The following MACROD2 variants were observed in gnomAD, a reference collection of about 807,000 sequenced individuals.
MACROD2 encodes the protein ADP-ribose glycohydrolase MACROD2.
In MACROD2, 36 loss-of-function variants were observed where a neutral mutation model predicts 70.4. The ratio of observed to expected loss-of-function variants is 0.51; its 90% CI spans 0.39 to 0.68. The LOEUF (loss-of-function observed/expected upper bound fraction) is 0.68. Among genes scored for constraint, MACROD2 ranks in the 30% least tolerant of loss-of-function variants. The pLI is 0.00. For synonymous variants in MACROD2, 172 were observed against 178.8 expected (o/e 0.96, Z 0.30); for missense variants, 496 against 538.4 (o/e 0.92, Z 0.78).
At chr20:15,175,779 T>A (rs577475777) in intron 5 of MACROD2, among the ~76,000 whole-genome samples, 15 of 152,328 alleles carry the variant, frequency 9.8e-5, no homozygotes, top group Non-Finnish European at 7.4e-5. Flanking sequence ...AGACACTGGC[T>A]GCAATGGCTA....
chr20:15,164,649 A>G (rs964467585), intron 5 of MACROD2, among the ~76,000 whole-genome samples: 5 of 152,206 alleles, frequency 3.3e-5, no homozygotes, highest in African/African-American at 1.2e-4. Context: ...TAATGCTGGT[A>G]CTTTGGAAGG....
intron 8 of MACROD2, among the ~76,000 whole-genome samples, chr20:15,827,124 C>A (rs1442618207): frequency 6.6e-6 from 1 of 152,128 alleles, no homozygotes; most frequent in Non-Finnish European, 1.5e-5. Context: ...ACAGATATAA[C>A]CTTCATTCCA....
intron 5 of MACROD2, among the ~76,000 whole-genome samples, chr20:15,001,650 G>C (rs1400544804): frequency 6.6e-6 from 1 of 151,804 alleles, no homozygotes; most frequent in Admixed American, 6.6e-5. Flanking sequence ...TTTTCTAGGG[G>C]GATTTATGTT....
At chr20:14,489,582 A>G (rs1458960348) in intron 3 of MACROD2, among the ~76,000 whole-genome samples, 4 of 152,294 alleles carry the variant, frequency 2.6e-5, no homozygotes, top group Middle Eastern at 3.4e-3. Flanking sequence ...TTGATATCCC[A>G]TGTGCTCTAT....
At chr20:15,668,239 G>A (rs557053266) in intron 8 of MACROD2, among the ~76,000 whole-genome samples, 182 of 151,624 alleles carry the variant, frequency 1.2e-3, no homozygotes, top group South Asian at 2.9e-3. Flanking sequence ...CAGCATGGGC[G>A]ACAGAGCGAG....
intron 3 of MACROD2, among the ~76,000 whole-genome samples, chr20:14,297,584 T>C (rs1016829287): frequency 2.6e-5 from 4 of 151,962 alleles, no homozygotes; most frequent in Non-Finnish European, 1.5e-5. Context: ...TCTTCAGTTC[T>C]AGAAAGGCAG....
At chr20:15,993,188 G>A (rs942239942) in intron 15 of MACROD2, among the ~76,000 whole-genome samples, 5 of 151,796 alleles carry the variant, frequency 3.3e-5, no homozygotes, top group African/African-American at 1.2e-4. Flanking sequence ...TAACTAGTAA[G>A]GGAATCATTA....
chr20:16,003,693 CAG>C (rs1328440345), intron 15 of MACROD2, among the ~76,000 whole-genome samples: 1 of 152,106 alleles, frequency 6.6e-6, no homozygotes, highest in Non-Finnish European at 1.5e-5. Flanking sequence ...CTTTTAGAGA[CAG>C]AGTCTCACTC....
At chr20:15,461,003 TATA>T (rs200906050) in intron 7 of MACROD2, among the ~76,000 whole-genome samples, 13,107 of 78,148 alleles carry the variant, frequency 0.17, 1,557 homozygotes, top group East Asian at 0.39. Context: ...TATATATATA[TATA>T]TTTTTTTTTA....
intron 5 of MACROD2, among the ~76,000 whole-genome samples, chr20:15,187,100 G>T (rs1440942702): frequency 6.6e-6 from 1 of 152,196 alleles, no homozygotes; most frequent in Non-Finnish European, 1.5e-5. Context: ...ATTGATGGTT[G>T]AGAGCCACTG....
chr20:16,027,842 C>T (rs1243617955), intron 15 of MACROD2, among the ~76,000 whole-genome samples: 1 of 152,102 alleles, frequency 6.6e-6, no homozygotes, highest in African/African-American at 2.4e-5. Context: ...TTGCATTATT[C>T]CTGCTGGAAA....
Position 14,978,945 on chromosome 20 carries a change from A to G in MACROD2, c.419-250995A>G, listed in dbSNP as rs1328771289. ...TATCATAATATATATCATAATATAT[A>G]TAATCATATATATATATATTTAAGA... On this transcript the variant is annotated intron_variant, in intron 5 of 17. Coordinates refer to ENST00000684519, the MANE Select transcript of MACROD2 (RefSeq NM_001351661.2). Among the ~76,000 whole-genome samples, 3 of 144,852 alleles carry G rather than the reference A, an allele frequency of 2.1e-5. No homozygotes were observed. The East Asian group carries it at 5.9e-4, about 28-fold the overall frequency.
chr20:14,687,227 T>G (rs1334946087), intron 5 of MACROD2, among the ~76,000 whole-genome samples: 1 of 152,202 alleles, frequency 6.6e-6, no homozygotes, highest in African/African-American at 2.4e-5. Flanking sequence ...ATTCACTGTT[T>G]TCTTTTTTAT....
chr20:14,729,727 C>T (rs1404211034), intron 5 of MACROD2, among the ~76,000 whole-genome samples: 1 of 151,942 alleles, frequency 6.6e-6, no homozygotes, highest in Non-Finnish European at 1.5e-5. Flanking sequence ...GGTACACACT[C>T]TCAATACAAA....
intron 3 of MACROD2, among the ~76,000 whole-genome samples, chr20:14,162,173 G>A (rs534072655): frequency 6.6e-6 from 1 of 152,100 alleles, no homozygotes; most frequent in South Asian, 2.1e-4. Context: ...GTGTTTGTAT[G>A]GTTTCAAAAG....
At chr20:14,279,673 C>T (rs1601429961) in intron 3 of MACROD2, among the ~76,000 whole-genome samples, 1 of 152,152 alleles carries the variant, frequency 6.6e-6, no homozygotes, top group Non-Finnish European at 1.5e-5. Context: ...GTATTTGACT[C>T]TTCATGATAC....
chr20:16,002,656 C>G (rs1038253844), intron 15 of MACROD2, among the ~76,000 whole-genome samples: 2 of 152,126 alleles, frequency 1.3e-5, no homozygotes, highest in Non-Finnish European at 2.9e-5. Context: ...AGATTTTTCC[C>G]CAGAGCCTCA....
chr20:14,250,785 C>G (rs996322549), intron 3 of MACROD2, among the ~76,000 whole-genome samples: 11 of 151,892 alleles, frequency 7.2e-5, no homozygotes, highest in Non-Finnish European at 1.0e-4. Context: ...ATAATAATGT[C>G]AACCTTTTTG....
intron 15 of MACROD2, among the ~76,000 whole-genome samples, chr20:16,015,619 T>TA (rs1387145155): frequency 2.0e-5 from 3 of 152,240 alleles, no homozygotes; most frequent in African/African-American, 7.2e-5. Flanking sequence ...AGGCCATCCT[T>TA]ACAATGAGTC....
Sources: gnomAD v4.1 joint callset for allele counts (sites outside exome capture counted in the v4.1 genomes callset) on GRCh38, gnomAD v4.1.1 for gene constraint, MANE v1.5 for transcripts, NCBI Gene and HGNC (gene_info 2026-07-23, HGNC 2026-07-21) for gene names.